Variants in CELF1 observed in about 807,000 individuals in gnomAD.
CELF1 encodes 50 kDa nuclear polyadenylated RNA-binding protein.
In CELF1, 10 loss-of-function variants were observed where a neutral mutation model predicts 61.8. The ratio of observed to expected loss-of-function variants is 0.16; its 90% CI spans 0.10 to 0.27. The LOEUF is 0.27. Among genes scored for constraint, CELF1 ranks in the 10% least tolerant of loss-of-function variants. CELF1 has a pLI of 1.00. For synonymous variants in CELF1, 236 were observed against 225.1 expected (o/e 1.05, Z -0.43); for missense variants, 380 against 639.1 (o/e 0.59, Z 4.37).
In CELF1 at chr11:47,473,131, G is replaced by T; in HGVS notation, c.1374C>A (p.Ala458=). Residue 458 remains alanine (A), a synonymous_variant, in exon 14 of 15, where the codon GCC becomes GCA. Coordinates refer to ENST00000687097, the MANE Select transcript of CELF1 (RefSeq NM_001376376.1). ...TTGTCTGCTTGTCTATGAAAACCTT[G>T]GCAGACACGACATTCCCAAAGGGCA... ...MFMPFGNVVS[A]KVFIDKQTNL... is the part of the protein sequence containing the mutation. 1 of 1,614,082 alleles carries T rather than the reference G, an allele frequency of 6.2e-7. No homozygotes were observed. The highest frequency in any genetic ancestry group is 8.5e-7 in the Non-Finnish European group (1 of 1,180,022).
At chr11:47,533,584 C>G (rs1172844120) in intron 1 of CELF1, among the ~76,000 whole-genome samples, 2 of 152,036 alleles carry the variant, frequency 1.3e-5, no homozygotes, top group Non-Finnish European at 2.9e-5. Flanking sequence ...GATCGCACCA[C>G]CGCACTCCAG....
chr11:47,475,999 ATT>A (rs370220622), intron 12 of CELF1, among the ~76,000 whole-genome samples: 28 of 142,576 alleles, frequency 2.0e-4, no homozygotes, highest in East Asian at 2.0e-4. Flanking sequence ...CTATGTTCTA[ATT>A]TTTTTTTTTT....
At chr11:47,481,099 CTTCTTTTTTTTTTTTTTT>C (rs2082908525) in intron 9 of CELF1, among the ~76,000 whole-genome samples, 2 of 62,294 alleles carry the variant, frequency 3.2e-5, no homozygotes, top group South Asian at 6.7e-4. Context: ...TTTTTTTCTT[CTTCTTTTTTTTTTTTTTT>C]TTTTTTTTTT....
chr11:47,477,217 T>C (rs2080657616), intron 11 of CELF1, 80 bp downstream of exon 11: 1 of 1,496,992 alleles, frequency 6.7e-7, no homozygotes, highest in East Asian at 2.3e-5. Context: ...TTAACTATTT[T>C]CCCTCTCTGG....
At chr11:47,486,821 T>G in intron 5 of CELF1, 23 bp from the exon 6 acceptor site, 1 of 1,559,256 alleles carries the variant, frequency 6.4e-7, no homozygotes, top group Non-Finnish European at 8.8e-7. Context: ...AATATGATTA[T>G]TATCACTGTA....
chr11:47,492,025 T>A (rs1452117469), intron 3 of CELF1, among the ~76,000 whole-genome samples: 1 of 152,212 alleles, frequency 6.6e-6, no homozygotes, highest in East Asian at 1.9e-4. Flanking sequence ...TTGCCCAGGC[T>A]GGAGTGCAGT....
intron 6 of CELF1, among the ~76,000 whole-genome samples, chr11:47,485,667 C>T (rs1190508408): frequency 2.0e-5 from 3 of 151,652 alleles, no homozygotes; most frequent in African/African-American, 7.3e-5. Context: ...CTGCAACCAC[C>T]GTCTCCTGGG....
intron 2 of CELF1, among the ~76,000 whole-genome samples, chr11:47,500,212 G>C (rs560549169): frequency 4.0e-5 from 6 of 148,556 alleles, no homozygotes; most frequent in African/African-American, 1.5e-4. Flanking sequence ...TTTTTTTCTT[G>C]ATATTTTCAA....
In CELF1 at chr11:47,466,355, G is replaced by T. The variant is rs1485048137; in HGVS notation, c.*5875C>A. The T allele has an allele frequency of 6.6e-6, 1 of 152,208 alleles. No homozygotes were observed. Among genetic ancestry groups the T allele is most frequent in the East Asian group, 1.9e-4 (1 of 5,204 alleles). 9.4% of individuals were successfully genotyped at this position (152,208 alleles called of 1,614,324 possible). ...AAAAGCATTTCTACGGCTGAATCAC[G>T]ACTGAGTTGATTGAATCCCGTTGTT... On this transcript the variant is annotated 3_prime_UTR_variant, in exon 15 of 15. Transcript: ENST00000687097.
chr11:47,541,580 C>CT (rs2096774778), intron 1 of CELF1, among the ~76,000 whole-genome samples: 1 of 151,110 alleles, frequency 6.6e-6, no homozygotes, highest in South Asian at 2.1e-4. Flanking sequence ...ATCCCAGCAA[C>CT]TTGGGAGGCT....
rs1286660824 is a variant in CELF1 at position 47,470,589 on chromosome 11, T to C, written c.*1641A>G. ...CAGTAAGATGGTCAATCCCTGTCTG[T>C]TACCCACAGGGACAGCATGACAAGG... On this transcript the variant is annotated 3_prime_UTR_variant, in exon 15 of 15. Coordinates refer to ENST00000687097, the MANE Select transcript of CELF1 (RefSeq NM_001376376.1). 6.6e-6 allele frequency: 1 copy of C among 152,240 alleles called. No homozygotes were observed. 9.4% of individuals were successfully genotyped at this position (152,240 alleles called of 1,614,324 possible). A position where few individuals can be genotyped will look rare whatever the true frequency, so the allele number is the denominator to read the frequency against.
intron 9 of CELF1, among the ~76,000 whole-genome samples, chr11:47,480,069 C>G (rs1213617291): frequency 6.6e-6 from 1 of 151,474 alleles, no homozygotes; most frequent in Non-Finnish European, 1.5e-5. Context: ...TCACACAGTC[C>G]ACTAGCACCC....
Position 47,503,023 on chromosome 11 carries a change from CGTCT to C in CELF1, c.-153-2095_-153-2092del, listed in dbSNP as rs552003441. ...GTTTCCTCTTCTCTCCCTGGTTGTC[CGTCT>C]GTCTCAGTATTCTCTGCCTTGAATA... is the stretch of plus-strand genomic sequence containing the variant. On this transcript the variant is annotated intron_variant, in intron 1 of 14. Transcript: ENST00000687097. Among the ~76,000 whole-genome samples the C allele has an allele frequency of 1.9e-3, 289 of 152,250 alleles. 1 individual carries two copies. Among genetic ancestry groups the C allele is most frequent in the Middle Eastern group, 0.014 (4 of 294 alleles).
chr11:47,515,619 T>C (rs1398694938), intron 1 of CELF1, among the ~76,000 whole-genome samples: 1 of 152,246 alleles, frequency 6.6e-6, no homozygotes. Flanking sequence ...TCAGAGCGAC[T>C]TTTAAAATCA....
intron 1 of CELF1, among the ~76,000 whole-genome samples, chr11:47,551,034 T>C (rs2097124854): frequency 6.8e-5 from 1 of 14,696 alleles, no homozygotes; most frequent in Admixed American, 1.1e-3. Context: ...ACTCGTGATA[T>C]TGTTTAAAAA....
intron 1 of CELF1, among the ~76,000 whole-genome samples, chr11:47,515,426 A>G (rs112246056): frequency 0.016 from 2,423 of 152,206 alleles, 51 homozygotes; most frequent in African/African-American, 0.048. Context: ...ATGTTCTAAG[A>G]CCACAGTTCC....
intron 1 of CELF1, among the ~76,000 whole-genome samples, chr11:47,503,370 C>G (rs1030613333): frequency 6.6e-6 from 1 of 152,006 alleles, no homozygotes; most frequent in African/African-American, 2.4e-5. Flanking sequence ...ATAGATATAA[C>G]CAGGGAGTTC....
chr11:47,509,172 G>C (rs1370639890), intron 1 of CELF1, among the ~76,000 whole-genome samples: 1 of 152,190 alleles, frequency 6.6e-6, no homozygotes, highest in African/African-American at 2.4e-5. Context: ...TTTGGTGAGA[G>C]AGAAGAGCTG....
chr11:47,562,835 G>T (rs372087156), intron 2 of CELF1, among the ~76,000 whole-genome samples: 2 of 152,116 alleles, frequency 1.3e-5, no homozygotes, highest in East Asian at 3.9e-4. Flanking sequence ...CTCCCAAGTA[G>T]CTGGGATTAC....
Sources: allele counts gnomAD v4.1 joint callset (sites outside exome capture counted in the v4.1 genomes callset), GRCh38; gene constraint gnomAD v4.1.1; transcripts MANE v1.5; gene names NCBI Gene and HGNC (gene_info 2026-07-23, HGNC 2026-07-21).